FH: variants seen among roughly 807,000 people sequenced by gnomAD.
FH encodes the protein fumarate hydratase, also known as fumarate hydratase, mitochondrial.
FH carries 22 observed loss-of-function variants against 49.4 expected under a neutral mutation model. That is an observed-to-expected ratio of 0.45 (90% CI 0.32 to 0.64). The LOEUF (loss-of-function observed/expected upper bound fraction) is 0.64, where lower values mean the gene tolerates loss of function less well. FH is among the 30% of genes least tolerant of loss of function. FH has a pLI of 0.05. For missense variants in FH, 526 were observed against 641.5 expected (o/e 0.82, Z 1.95); for synonymous variants, 208 against 223.0 (o/e 0.93, Z 0.60).
At chr1:241,508,407 G>C (rs964478152) in intron 5 of FH, among the ~76,000 whole-genome samples, 196 bp downstream of exon 5, 1 of 152,186 alleles carries the variant, frequency 6.6e-6, no homozygotes, top group Non-Finnish European at 1.5e-5. Context: ...GACTGAATCT[G>C]ACTTATAGCC....
At position 241,504,886 on chromosome 1, in the gene FH, C is replaced by T. The variant is rs1031560491; in HGVS notation, c.905-641G>A. Among the ~76,000 whole-genome samples, 3 of 151,254 alleles carry T rather than the reference C, an allele frequency of 2.0e-5. 1 individual carries two copies. The highest frequency in any genetic ancestry group is 4.4e-5 in the Non-Finnish European group (3 of 67,820). On this transcript the variant is annotated intron_variant, in intron 6 of 9. Coordinates refer to ENST00000366560, the MANE Select transcript of FH (RefSeq NM_000143.4). Reference sequence around the variant, plus strand: ...TATGGGAATTCATTCTGGTTTATACCACACTCCTTTCCTAATACCTTTTTT... The same window carrying T: ...TATGGGAATTCATTCTGGTTTATACTACACTCCTTTCCTAATACCTTTTTT...
At chr1:241,519,245 G>C in intron 1 of FH, 2 of 273,004 alleles carry the variant, frequency 7.3e-6, no homozygotes, top group South Asian at 8.3e-5. Flanking sequence ...AGCGCCCCGG[G>C]GCTGGGGGCC....
chr1:241,507,190 G>A (rs1016846522), intron 5 of FH, among the ~76,000 whole-genome samples: 3 of 152,068 alleles, frequency 2.0e-5, no homozygotes, highest in African/African-American at 7.2e-5. Flanking sequence ...GATATGTTTA[G>A]ATACACAAAT....
chr1:241,507,413 CAT>C (rs1223841279), intron 5 of FH, among the ~76,000 whole-genome samples: 1 of 152,078 alleles, frequency 6.6e-6, no homozygotes, highest in Non-Finnish European at 1.5e-5. Flanking sequence ...CTAAGCAACA[CAT>C]GACTGTATGT....
intron 5 of FH, among the ~76,000 whole-genome samples, chr1:241,506,536 G>C (rs1659935777): frequency 6.6e-6 from 1 of 152,100 alleles, no homozygotes; most frequent in Non-Finnish European, 1.5e-5. Flanking sequence ...CTTATTTTTT[G>C]GGATGCCTCA....
intron 8 of FH, among the ~76,000 whole-genome samples, chr1:241,501,341 T>C (rs1458196356): frequency 6.6e-6 from 1 of 152,110 alleles, no homozygotes. Flanking sequence ...AAGGCAAATA[T>C]TGATTATCTT....
chr1:241,518,070 G>T (rs1660266963), intron 1 of FH, among the ~76,000 whole-genome samples: 1 of 152,200 alleles, frequency 6.6e-6, no homozygotes, highest in South Asian at 2.1e-4. Context: ...TCAATAAACA[G>T]TATCTTTCTA....
chr1:241,499,141 C>A (rs774684817), intron 9 of FH, among the ~76,000 whole-genome samples: 1 of 152,102 alleles, frequency 6.6e-6, no homozygotes, highest in African/African-American at 2.4e-5. Flanking sequence ...TCAAGTCCAA[C>A]AAGACACTAT....
rs1573886327 is a variant in FH at position 241,513,541 on chromosome 1, T to C, written c.378+62A>G. 2.6e-5 allele frequency: 31 copies of C among 1,195,584 alleles called. No individual in the cohort carries two copies. The East Asian group carries it at 7.2e-4, about 28-fold the overall frequency. 74.1% of individuals were successfully genotyped at this position (1,195,584 alleles called of 1,614,324 possible). ...TCCCCTTTCCTTCTGCCAGAGCATA[T>C]CGTCATCCAGAGTATGGCATGGGTC... On this transcript the variant is annotated intron_variant, in intron 3 of 9. Coordinates refer to ENST00000366560, the MANE Select transcript of FH (RefSeq NM_000143.4).
At chr1:241,506,383 T>C (rs896108877) in intron 5 of FH, among the ~76,000 whole-genome samples, 2 of 152,178 alleles carry the variant, frequency 1.3e-5, no homozygotes, top group Non-Finnish European at 2.9e-5. Flanking sequence ...ATGCCACTGA[T>C]AACATGCAGC....
At chr1:241,505,872 A>C (rs2147917408) in intron 6 of FH, 131 bp downstream of exon 6, 1 of 901,566 alleles carries the variant, frequency 1.1e-6, no homozygotes, top group South Asian at 1.5e-5. Flanking sequence ...TATACTTAAA[A>C]CACATGTTTG....
intron 8 of FH, 43 bp from the exon 9 acceptor site, chr1:241,500,633 G>GAGAGAC: frequency 6.2e-7 from 1 of 1,605,886 alleles, no homozygotes; most frequent in Non-Finnish European, 8.5e-7. Context: ...GAGAGAGAGA[G>GAGAGAC]AGAGAGACAT....
intron 2 of FH, among the ~76,000 whole-genome samples, 191 bp from the exon 3 acceptor site, chr1:241,513,904 G>A (rs1350831327): frequency 6.6e-6 from 1 of 152,024 alleles, no homozygotes; most frequent in Non-Finnish European, 1.5e-5. Flanking sequence ...CATTATCATA[G>A]ATCTATTTGT....
chr1:241,516,316 AT>A (rs1490527078), intron 2 of FH, among the ~76,000 whole-genome samples: 4 of 152,246 alleles, frequency 2.6e-5, no homozygotes, highest in Admixed American at 2.6e-4. Flanking sequence ...ACCATGGAAT[AT>A]TATGCAACCA....
intron 5 of FH, among the ~76,000 whole-genome samples, chr1:241,506,587 C>CA (rs941066429): frequency 4.7e-4 from 72 of 152,170 alleles, no homozygotes; most frequent in African/African-American, 1.5e-3. Flanking sequence ...TCATCTCCCC[C>CA]AAAAAAATGC....
intron 3 of FH, 100 bp from the exon 4 acceptor site, chr1:241,512,243 G>C: frequency 9.9e-7 from 1 of 1,007,520 alleles, no homozygotes; most frequent in Non-Finnish European, 1.5e-6. Context: ...CTAAGCTTCT[G>C]AAGCATCACT....
intron 3 of FH, 91 bp from the exon 4 acceptor site, chr1:241,512,234 T>C (rs1322019318): frequency 5.3e-6 from 6 of 1,131,486 alleles, no homozygotes; most frequent in Non-Finnish European, 7.8e-6. Flanking sequence ...CCCACATATC[T>C]AAGCTTCTGA....
At chr1:241,518,093 G>C (rs554281776) in intron 1 of FH, among the ~76,000 whole-genome samples, 3 of 152,292 alleles carry the variant, frequency 2.0e-5, no homozygotes, top group African/African-American at 7.2e-5. Context: ...GAATGAATTT[G>C]TATGTGTTCT....
intron 1 of FH, 104 bp from the exon 2 acceptor site, chr1:241,517,420 C>A: frequency 2.4e-6 from 3 of 1,247,138 alleles, no homozygotes; most frequent in South Asian, 1.3e-5. Flanking sequence ...GAATAAGTAT[C>A]ACAAAGACAA....
Sources: allele counts gnomAD v4.1 joint callset (sites outside exome capture counted in the v4.1 genomes callset), GRCh38; gene constraint gnomAD v4.1.1; transcripts MANE v1.5; gene names NCBI Gene and HGNC (gene_info 2026-07-23, HGNC 2026-07-21).